Variants in TUSC3 observed in about 807,000 individuals in gnomAD.
TUSC3 encodes the protein dolichyl-diphosphooligosaccharide--protein glycosyltransferase subunit TUSC3.
A neutral mutation model predicts 44.8 loss-of-function variants in TUSC3; 45 were observed. The observed-to-expected ratio is 1.00, with a 90% CI of 0.79 to 1.29. TUSC3 has a LOEUF of 1.29. TUSC3 is among the 50% of genes most tolerant of loss of function. The probability of loss-of-function intolerance (pLI) is 0.00; values close to 1 mark genes in which losing one functional copy is unlikely to be tolerated. For missense variants in TUSC3, 519 were observed against 437.9 expected, an observed-to-expected ratio of 1.19 and a Z score of -1.65; for synonymous variants, 212 against 152.9, an observed-to-expected ratio of 1.39 and a Z score of -2.85.
intron 2 of TUSC3, among the ~76,000 whole-genome samples, chr8:15,504,578 G>GATAT (rs1158864721): frequency 8.4e-4 from 28 of 33,444 alleles, no homozygotes; most frequent in South Asian, 1.8e-3. Context: ...CAACTTTCAG[G>GATAT]ATATATATAT....
intron 1 of TUSC3, among the ~76,000 whole-genome samples, chr8:15,452,658 T>A (rs1335131540): frequency 1.3e-5 from 2 of 152,180 alleles, no homozygotes; most frequent in African/African-American, 4.8e-5. Context: ...GTAGCTCTCC[T>A]GCACAAATAG....
At chr8:15,767,870 C>T (rs981881555), downstream of TUSC3, among the ~76,000 whole-genome samples, 2 of 152,060 alleles carry the variant, frequency 1.3e-5, no homozygotes, top group South Asian at 2.1e-4. Flanking sequence ...CACTGAAAGC[C>T]TGGAAGGAAA....
chr8:15,641,379 A>AG (rs1250743087), intron 2 of TUSC3, among the ~76,000 whole-genome samples: 8 of 151,034 alleles, frequency 5.3e-5, no homozygotes, highest in African/African-American at 1.7e-4. Context: ...AAAAAAAAAA[A>AG]GAAAAGTTGC....
intron 1 of TUSC3, among the ~76,000 whole-genome samples, chr8:15,582,099 G>C (rs1459841509): frequency 2.0e-5 from 3 of 151,130 alleles, no homozygotes; most frequent in African/African-American, 7.3e-5. Context: ...CCCTTTCTTT[G>C]ACTCGGAAAG....
chr8:15,726,230 A>G (rs917007679), intron 6 of TUSC3, among the ~76,000 whole-genome samples: 1 of 152,146 alleles, frequency 6.6e-6, no homozygotes, highest in Non-Finnish European at 1.5e-5. Flanking sequence ...TTTCCATTTT[A>G]CTTTTATTCA....
the TUSC3 span, among the ~76,000 whole-genome samples, chr8:15,814,869 T>C: frequency 1.5e-4 from 23 of 152,164 alleles, no homozygotes; most frequent in African/African-American, 3.9e-4. Flanking sequence ...TAAATGTTGA[T>C]TGCCTACTGT....
At chr8:15,640,836 C>T (rs1009928733) in intron 2 of TUSC3, among the ~76,000 whole-genome samples, 2 of 152,078 alleles carry the variant, frequency 1.3e-5, no homozygotes, top group African/African-American at 4.8e-5. Context: ...TCGTAAATGT[C>T]ATGAAGGAAA....
chr8:15,518,395 A>T (rs17121581), intron 2 of TUSC3, among the ~76,000 whole-genome samples: 6,192 of 152,262 alleles, frequency 0.041, 408 homozygotes, highest in African/African-American at 0.14. Flanking sequence ...AATGGAAAAT[A>T]GAAAAATAGT....
At chr8:15,784,518 A>T in the TUSC3 span, among the ~76,000 whole-genome samples, 6 of 144,940 alleles carry the variant, frequency 4.1e-5, no homozygotes, top group African/African-American at 1.6e-4. Context: ...GTGTGTGTGC[A>T]TATATATATA....
At chr8:15,792,167 A>C in the TUSC3 span, among the ~76,000 whole-genome samples, 1 of 151,818 alleles carries the variant, frequency 6.6e-6, no homozygotes, top group Admixed American at 6.6e-5. Context: ...CTTTAATGGA[A>C]GTAATAATTT....
chr8:15,808,358 C>A, the TUSC3 span, among the ~76,000 whole-genome samples: 1 of 152,174 alleles, frequency 6.6e-6, no homozygotes, highest in African/African-American at 2.4e-5. Context: ...CTCCAGAGCA[C>A]TAGGAGATAA....
intron 1 of TUSC3, among the ~76,000 whole-genome samples, chr8:15,431,678 C>A (rs1032886180): frequency 1.3e-5 from 2 of 151,548 alleles, no homozygotes; most frequent in African/African-American, 2.4e-5. Flanking sequence ...TGACTAATTT[C>A]TCTGGCAAGG....
rs76846424 is a variant in TUSC3 at position 15,453,407 on chromosome 8, G to A, written n.92-29979G>A. The stretch of plus-strand genomic sequence containing the variant: ...TTACTTTTATGGCACCACTAAAAAA[G>A]CAAGTAGCTCCTAGCCCCTTTTCTT... On this transcript the variant is annotated intron_variant and non_coding_transcript_variant, in intron 1 of 5. Coordinates refer to the TUSC3 transcript ENST00000503191. Among the ~76,000 whole-genome samples the A allele has an allele frequency of 8.3e-3, 1,263 of 152,218 alleles. 22 individuals carry two copies. The highest frequency in any genetic ancestry group is 0.029 in the African/African-American group (1,200 of 41,518).
chr8:15,850,352 C>T, the TUSC3 span, among the ~76,000 whole-genome samples: 1 of 152,058 alleles, frequency 6.6e-6, no homozygotes, highest in Non-Finnish European at 1.5e-5. Flanking sequence ...TAGGTTTGTT[C>T]TCCCATAGTT....
At chr8:15,487,779 A>G (rs1344198504) in intron 2 of TUSC3, among the ~76,000 whole-genome samples, 1 of 152,160 alleles carries the variant, frequency 6.6e-6, no homozygotes, top group Non-Finnish European at 1.5e-5. Flanking sequence ...CTCCCATGTT[A>G]GATGTTTCCA....
At chr8:15,446,252 G>C (rs903244726) in intron 1 of TUSC3, among the ~76,000 whole-genome samples, 1 of 151,404 alleles carries the variant, frequency 6.6e-6, no homozygotes, top group Non-Finnish European at 1.5e-5. Flanking sequence ...ATGGGATGGC[G>C]GCCGGGAAGA....
chr8:15,588,918 CTGTGTT>C (rs763800128), intron 1 of TUSC3, among the ~76,000 whole-genome samples: 1 of 152,064 alleles, frequency 6.6e-6, no homozygotes, highest in Non-Finnish European at 1.5e-5. Context: ...GCCTTTGTGT[CTGTGTT>C]TGTACTAGCA....
intron 6 of TUSC3, among the ~76,000 whole-genome samples, chr8:15,684,118 G>A (rs545255303): frequency 6.6e-6 from 1 of 152,102 alleles, no homozygotes; most frequent in East Asian, 1.9e-4. Context: ...GAAGGCGGGG[G>A]CCATATATGA....
chr8:15,620,142 TAAAG>T (rs1261615988), intron 1 of TUSC3, among the ~76,000 whole-genome samples: 1 of 152,186 alleles, frequency 6.6e-6, no homozygotes, highest in Non-Finnish European at 1.5e-5. Flanking sequence ...GTGTACACCA[TAAAG>T]AGATAGAAGA....
Sources: allele counts gnomAD v4.1 joint callset (sites outside exome capture counted in the v4.1 genomes callset), GRCh38; gene constraint gnomAD v4.1.1; transcripts MANE v1.5; gene names NCBI Gene and HGNC (gene_info 2026-07-23, HGNC 2026-07-21).